GLIS3: variants seen among roughly 807,000 people sequenced by gnomAD.
GLIS3 encodes zinc finger protein GLIS3.
In GLIS3, 53 loss-of-function variants were observed where a neutral mutation model predicts 78.6. The observed-to-expected ratio is 0.67, with a 90% CI of 0.54 to 0.85. The LOEUF is 0.85. Ranked by LOEUF, GLIS3 falls within the 40% of genes least tolerant of loss-of-function variation. The pLI is 0.00. For synonymous variants in GLIS3, 684 were observed against 509.9 expected, an observed-to-expected ratio of 1.34 and a Z score of -4.60; for missense variants, 1,703 against 1,231.1, an observed-to-expected ratio of 1.38 and a Z score of -5.74.
At chr9:4,185,335 A>G (rs983918696) in intron 2 of GLIS3, among the ~76,000 whole-genome samples, 3 of 152,042 alleles carry the variant, frequency 2.0e-5, no homozygotes, top group African/African-American at 7.2e-5. Flanking sequence ...GCTAAACTGT[A>G]TTTTGTTTAT....
intron 2 of GLIS3, among the ~76,000 whole-genome samples, chr9:4,171,540 A>T (rs1158783828): frequency 6.6e-6 from 1 of 152,208 alleles, no homozygotes; most frequent in Non-Finnish European, 1.5e-5. Context: ...AATTTGGAAT[A>T]AGGAAAGATT....
Position 4,262,929 on chromosome 9 carries a change from G to C in GLIS3, c.388+23109C>G, listed in dbSNP as rs80321984. ...ACAGATGTTGATTGTTTCAGTGTTT[G>C]CCTCAAAAAAAAAAAAAAAAAAAAA... is the stretch of plus-strand genomic sequence containing the variant. On this transcript the variant is annotated intron_variant, in intron 2 of 10. Coordinates refer to ENST00000381971, the MANE Select transcript of GLIS3 (RefSeq NM_001042413.2). 2.6e-4 allele frequency among the ~76,000 whole-genome samples: 27 copies of C among 104,174 alleles called. No individual in the cohort carries two copies. In the East Asian group the frequency reaches 2.7e-3, roughly 11 times the overall value. The allele number at this position is 104,174 out of a possible 152,430, so 68.3% of individuals were successfully genotyped here. A position where few individuals can be genotyped will look rare whatever the true frequency, so the allele number is the denominator to read the frequency against.
At chr9:4,132,374 C>G (rs908864587) in intron 2 of GLIS3, among the ~76,000 whole-genome samples, 1 of 152,118 alleles carries the variant, frequency 6.6e-6, no homozygotes, top group Non-Finnish European at 1.5e-5. Flanking sequence ...TAATTAATGT[C>G]TTCATTAGTT....
intron 6 of GLIS3, 60 bp downstream of exon 6, chr9:3,932,300 G>A: frequency 2.3e-6 from 3 of 1,296,544 alleles, no homozygotes; most frequent in Non-Finnish European, 3.4e-6. Context: ...GAAGCTTCGT[G>A]TACTACAAGA....
intron 1 of GLIS3, among the ~76,000 whole-genome samples, chr9:4,296,342 G>T (rs1268537484): frequency 6.6e-6 from 1 of 151,278 alleles, no homozygotes; most frequent in Non-Finnish European, 1.5e-5. Context: ...TTCTGGAATG[G>T]CAGAAGGACC....
At chr9:3,985,643 A>C (rs1819682246) in intron 4 of GLIS3, among the ~76,000 whole-genome samples, 1 of 152,230 alleles carries the variant, frequency 6.6e-6, no homozygotes, top group Admixed American at 6.5e-5. Context: ...ACTATTTTCT[A>C]AGAAACAATG....
chr9:4,087,332 C>T (rs886212330), intron 4 of GLIS3, among the ~76,000 whole-genome samples: 1 of 152,048 alleles, frequency 6.6e-6, no homozygotes, highest in African/African-American at 2.4e-5. Flanking sequence ...AAGTGAGAGC[C>T]TTAAATAGAT....
At chr9:4,100,863 A>C (rs914184849) in intron 4 of GLIS3, among the ~76,000 whole-genome samples, 1 of 152,152 alleles carries the variant, frequency 6.6e-6, no homozygotes, top group Non-Finnish European at 1.5e-5. Flanking sequence ...AATTCTACGT[A>C]ATCTATGTGC....
chr9:4,016,404 C>T (rs1822442482), intron 4 of GLIS3, among the ~76,000 whole-genome samples: 1 of 152,174 alleles, frequency 6.6e-6, no homozygotes, highest in Admixed American at 6.5e-5. Context: ...GATTCCTTTA[C>T]TTTCTCATTT....
chr9:4,181,174 C>T (rs1817290585), intron 2 of GLIS3, among the ~76,000 whole-genome samples: 3 of 152,240 alleles, frequency 2.0e-5, no homozygotes, highest in Admixed American at 6.5e-5. Context: ...CTCCTCTCTG[C>T]AAGCATCATT....
chr9:4,199,670 G>C (rs2131258495), intron 2 of GLIS3, among the ~76,000 whole-genome samples: 1 of 151,922 alleles, frequency 6.6e-6, no homozygotes, highest in East Asian at 1.9e-4. Context: ...AGTACTTCTA[G>C]ACCTACAAAA....
At chr9:4,360,332 T>C in the GLIS3 span, among the ~76,000 whole-genome samples, 2 of 152,162 alleles carry the variant, frequency 1.3e-5, no homozygotes, top group African/African-American at 2.4e-5. Flanking sequence ...GAGAAAAACA[T>C]GATCCATCTC....
chr9:4,124,095 C>G (rs1005004194), intron 3 of GLIS3, among the ~76,000 whole-genome samples: 3 of 152,062 alleles, frequency 2.0e-5, no homozygotes, highest in East Asian at 1.9e-4. Flanking sequence ...AATACACAAA[C>G]CAAGGCTCAC....
the GLIS3 span, among the ~76,000 whole-genome samples, chr9:4,410,136 AT>A: frequency 7.3e-6 from 1 of 136,340 alleles, no homozygotes; most frequent in African/African-American, 2.7e-5. Flanking sequence ...ATGCCCGGCT[AT>A]TTTTTTTTTT....
chr9:4,048,772 A>C (rs1172771273), intron 4 of GLIS3, among the ~76,000 whole-genome samples: 5 of 152,198 alleles, frequency 3.3e-5, no homozygotes, highest in African/African-American at 1.2e-4. Flanking sequence ...CCATCAGGTG[A>C]CTAGGCCTAG....
At chr9:4,182,673 G>T (rs1188663306) in intron 2 of GLIS3, among the ~76,000 whole-genome samples, 1 of 152,120 alleles carries the variant, frequency 6.6e-6, no homozygotes, top group African/African-American at 2.4e-5. Context: ...ATGAGTCATG[G>T]TTCTCCCAAT....
chr9:3,867,346 A>G (rs764776529), intron 8 of GLIS3, among the ~76,000 whole-genome samples: 8 of 152,206 alleles, frequency 5.3e-5, no homozygotes, highest in Non-Finnish European at 8.8e-5. Flanking sequence ...ATAAGTGTAC[A>G]TGTGACTTCC....
At chr9:4,098,746 T>C (rs1830147517) in intron 4 of GLIS3, among the ~76,000 whole-genome samples, 2 of 152,188 alleles carry the variant, frequency 1.3e-5, no homozygotes, top group Non-Finnish European at 2.9e-5. Flanking sequence ...GAAATGGAAA[T>C]GTAAAATTCC....
chr9:4,194,716 C>T (rs10758566), intron 2 of GLIS3, among the ~76,000 whole-genome samples: 5 of 151,998 alleles, frequency 3.3e-5, no homozygotes, highest in African/African-American at 1.2e-4. Flanking sequence ...GCCCCAGTAC[C>T]TGAGAGAGGG....
Sources: gnomAD v4.1 joint callset for allele counts (sites outside exome capture counted in the v4.1 genomes callset) on GRCh38, gnomAD v4.1.1 for gene constraint, MANE v1.5 for transcripts, NCBI Gene and HGNC (gene_info 2026-07-23, HGNC 2026-07-21) for gene names.